CHRNA9: variants seen among roughly 807,000 people sequenced by gnomAD.
CHRNA9 encodes neuronal acetylcholine receptor subunit alpha-9.
A neutral mutation model predicts 36.8 loss-of-function variants in CHRNA9; 24 were observed. The ratio of observed to expected loss-of-function variants is 0.65; its 90% CI spans 0.47 to 0.92. The LOEUF is 0.92. Ranked by LOEUF, CHRNA9 falls within the 40% of genes least tolerant of loss-of-function variation. CHRNA9 has a pLI of 0.00. For synonymous variants in CHRNA9, 231 were observed against 231.8 expected (o/e 1.00, Z 0.03); for missense variants, 610 against 601.2 (o/e 1.01, Z -0.15).
chr4:40,352,852 G>A (rs1328708897), intron 4 of CHRNA9, among the ~76,000 whole-genome samples: 3 of 152,024 alleles, frequency 2.0e-5, no homozygotes, highest in Admixed American at 6.6e-5. Context: ...ATATTAATGA[G>A]GTCTGAAGAC....
chr4:40,341,955 C>A (rs1009343884), intron 3 of CHRNA9, among the ~76,000 whole-genome samples: 1 of 152,146 alleles, frequency 6.6e-6, no homozygotes. Context: ...TTGCCTGTTG[C>A]CTAGGCTGGT....
At position 40,335,949 on chromosome 4, in the gene CHRNA9, AC is replaced by A; in HGVS notation, c.188del (p.Thr63SerfsTer15). ...AGTCCTGAATGTGACCCTGCAGATT[AC>A]GCTCTCTCAGATTAAGGATATGGTG... is the stretch of plus-strand genomic sequence containing the variant. ...DKVLNVTLQI[T>X]LSQIKDMDER... On this transcript the variant is annotated frameshift_variant, in exon 2 of 5. Transcript: ENST00000310169. LOFTEE classifies it high-confidence loss of function. 6.2e-7 allele frequency: 1 copy of A among 1,613,270 alleles called. No individual in the cohort carries two copies. The highest frequency in any genetic ancestry group is 1.7e-5 in the Admixed American group (1 of 60,028).
chr4:40,336,229 C>T lies in CHRNA9; in HGVS notation c.210+257C>T, dbSNP rs553454299. On this transcript the variant is annotated intron_variant, in intron 2 of 4. Transcript: ENST00000310169. ...AGATGGGGTTACATACTGTATGCAGCCATTTATATAAAATGTCCAAAAGAG... is the reference window on the plus strand; with the variant it reads ...AGATGGGGTTACATACTGTATGCAGTCATTTATATAAAATGTCCAAAAGAG... Among the ~76,000 whole-genome samples the T allele has an allele frequency of 4.2e-4, 64 of 152,244 alleles. 3 individuals carry two copies. In the South Asian group the frequency reaches 0.012, roughly 28 times the overall value.
intron 3 of CHRNA9, among the ~76,000 whole-genome samples, chr4:40,340,680 T>A (rs1712473535): frequency 6.6e-6 from 1 of 152,016 alleles, no homozygotes; most frequent in Middle Eastern, 3.2e-3. Flanking sequence ...CAGTCCAGTG[T>A]GATAAAGACA....
chr4:40,341,271 CA>C (rs1378473176), intron 3 of CHRNA9, among the ~76,000 whole-genome samples: 1 of 127,578 alleles, frequency 7.8e-6, no homozygotes, highest in Non-Finnish European at 1.7e-5. Context: ...TTTTCATGGT[CA>C]GGTTTTTTTT....
At chr4:40,353,798 G>A (rs4861323) in intron 4 of CHRNA9, among the ~76,000 whole-genome samples, 181 bp from the exon 5 acceptor site, 118,845 of 152,220 alleles carry the variant, frequency 0.78, 46,560 homozygotes, top group East Asian at 0.87. Flanking sequence ...ATTCAACCTA[G>A]GTGTATAGAA....
At chr4:40,342,527 A>G (rs1577546004) in intron 3 of CHRNA9, among the ~76,000 whole-genome samples, 1 of 152,356 alleles carries the variant, frequency 6.6e-6, no homozygotes, top group Non-Finnish European at 1.5e-5. Context: ...GAGAAGCAAG[A>G]GAGTCATGTC....
At chr4:40,353,216 C>T (rs748472144) in intron 4 of CHRNA9, among the ~76,000 whole-genome samples, 1 of 152,136 alleles carries the variant, frequency 6.6e-6, no homozygotes, top group South Asian at 2.1e-4. Context: ...TATAGCCCGG[C>T]GCGGTGGCTC....
chr4:40,349,514 A>C, intron 4 of CHRNA9, 100 bp downstream of exon 4: 1 of 1,179,546 alleles, frequency 8.5e-7, no homozygotes, highest in African/African-American at 1.5e-5. Flanking sequence ...AAATGGAGCC[A>C]ATTTCGACTC....
At chr4:40,349,614 C>T (rs1712739587) in intron 4 of CHRNA9, 200 bp downstream of exon 4, 1 of 565,082 alleles carries the variant, frequency 1.8e-6, no homozygotes. Context: ...GTCTTATGGT[C>T]TCTGGGTTTA....
intron 3 of CHRNA9, among the ~76,000 whole-genome samples, chr4:40,339,834 T>C (rs2109679235): frequency 6.6e-6 from 1 of 152,014 alleles, no homozygotes. Context: ...AGTTATTGTT[T>C]TTTTTAATTT....
intron 2 of CHRNA9, 118 bp from the exon 3 acceptor site, chr4:40,337,087 CACTTT>C: frequency 1.2e-6 from 1 of 823,652 alleles, no homozygotes; most frequent in Non-Finnish European, 1.9e-6. Context: ...ATAAAGCTCT[CACTTT>C]ACTTATTGAA....
intron 4 of CHRNA9, 151 bp downstream of exon 4, chr4:40,349,565 C>T: frequency 1.4e-6 from 1 of 694,862 alleles, no homozygotes. Flanking sequence ...TTGCAGTTAG[C>T]ATCTTTCAAT....
rs752153552 is a variant in CHRNA9 at position 40,354,495 on chromosome 4, T to C, written c.1415T>C (p.Ile472Thr). The change falls in exon 5 of 5, where the codon ATT (isoleucine) becomes ACT (threonine). Residue 472 changes from isoleucine (I) to threonine (T), a missense_variant. Coordinates refer to ENST00000310169, the MANE Select transcript of CHRNA9 (RefSeq NM_017581.4). ...TTCATTATGGTGTTTGTGATGACTA[T>C]TTTGATCATAGCAAGAGCGGATTAG... The part of the protein sequence containing the change: ...IFFIMVFVMT[I>T]LIIARAD 5.6e-6 allele frequency: 9 copies of C among 1,612,844 alleles called. No individual in the cohort carries two copies. The African/African-American group carries it at 1.2e-4, about 22-fold the overall frequency.
chr4:40,354,496 T>G lies in CHRNA9; in HGVS notation c.1416T>G (p.Ile472Met), dbSNP rs550444282. The stretch of plus-strand genomic sequence containing the variant: ...TCATTATGGTGTTTGTGATGACTAT[T>G]TTGATCATAGCAAGAGCGGATTAGT... The part of the protein sequence containing the change: ...IFFIMVFVMT[I>M]LIIARAD Residue 472 changes from isoleucine (I) to methionine (M), a missense_variant, in exon 5 of 5, where the codon ATT becomes ATG. Transcript: ENST00000310169. The G allele has an allele frequency of 2.6e-5, 42 of 1,612,932 alleles. No homozygotes were observed. The South Asian group carries it at 4.5e-4, about 17-fold the overall frequency.
At position 40,354,477 on chromosome 4, in the gene CHRNA9, T is replaced by C. The variant is rs1285045087; in HGVS notation, c.1397T>C (p.Met466Thr). 3.7e-6 allele frequency: 6 copies of C among 1,613,896 alleles called. No homozygotes were observed. Among genetic ancestry groups the C allele is most frequent in the African/African-American group, 1.3e-5 (1 of 74,906 alleles). Reference protein sequence around the residue: ...DRFFMWIFFIMVFVMTILIIA... With the variant: ...DRFFMWIFFITVFVMTILIIA... ...TTCTTCATGTGGATTTTTTTCATTA[T>C]GGTGTTTGTGATGACTATTTTGATC... is the stretch of plus-strand genomic sequence containing the variant. The change falls in exon 5 of 5, where the codon ATG becomes ACG. Residue 466 changes from methionine to threonine, a missense_variant. Coordinates refer to ENST00000310169, the MANE Select transcript of CHRNA9 (RefSeq NM_017581.4).
At position 40,354,355 on chromosome 4, in the gene CHRNA9, G is replaced by A. The variant is rs559446176; in HGVS notation, c.1275G>A (p.Thr425=). The A allele has an allele frequency of 4.3e-6, 7 of 1,614,198 alleles. No individual in the cohort carries two copies. Among genetic ancestry groups the A allele is most frequent in the East Asian group, 2.2e-5 (1 of 44,878 alleles). The change falls in exon 5 of 5, where the codon ACG becomes ACA. Residue 425 remains threonine (T), a synonymous_variant. Transcript: ENST00000310169. ...ESYCAQYKVL[T]RNIEYIAKCL... ...ACTGTGCACAGTACAAAGTGCTGACGAGGAATATTGAGTACATCGCCAAGT... is the reference window on the plus strand; with the variant it reads ...ACTGTGCACAGTACAAAGTGCTGACAAGGAATATTGAGTACATCGCCAAGT...
At chr4:40,348,660 G>A (rs1712703092) in intron 3 of CHRNA9, among the ~76,000 whole-genome samples, 1 of 152,174 alleles carries the variant, frequency 6.6e-6, no homozygotes, top group African/African-American at 2.4e-5. Flanking sequence ...GAGAAGAGAT[G>A]CTTTAAAGGA....
chr4:40,335,984 A>C lies in CHRNA9; in HGVS notation c.210+12A>C. 1 of 1,607,750 alleles carries C rather than the reference A, an allele frequency of 6.2e-7. No homozygotes were observed. Among genetic ancestry groups the C allele is most frequent in the Non-Finnish European group, 8.5e-7 (1 of 1,174,688 alleles). On this transcript the variant is annotated intron_variant, in intron 2 of 4. Coordinates refer to ENST00000310169, the MANE Select transcript of CHRNA9 (RefSeq NM_017581.4). ...AGATTAAGGATATGGTGAGTAACAC[A>C]TGGTGCTGACTCTGTGGAATGATTC... is the stretch of plus-strand genomic sequence containing the variant.
Sources: gnomAD v4.1 joint callset for allele counts (sites outside exome capture counted in the v4.1 genomes callset) on GRCh38, gnomAD v4.1.1 for gene constraint, MANE v1.5 for transcripts, NCBI Gene and HGNC (gene_info 2026-07-23, HGNC 2026-07-21) for gene names.